Variants in WNT2B observed in about 807,000 individuals in gnomAD.
The protein encoded by WNT2B is protein Wnt-2b.
Under a neutral mutation model 40.5 loss-of-function variants are expected in WNT2B, and 19 were observed. That is an observed-to-expected ratio of 0.47 (90% CI 0.33 to 0.69). The LOEUF (loss-of-function observed/expected upper bound fraction) is 0.69, where lower values mean the gene tolerates loss of function less well. Among genes scored for constraint, WNT2B ranks in the 30% least tolerant of loss-of-function variants. WNT2B has a pLI of 0.02. For synonymous variants in WNT2B, 220 were observed against 211.9 expected (o/e 1.04, Z -0.33); for missense variants, 467 against 556.4 (o/e 0.84, Z 1.62).
At chr1:112,516,104 C>A in intron 2 of WNT2B, 36 bp from the exon 3 acceptor site, 1 of 1,583,948 alleles carries the variant, frequency 6.3e-7, no homozygotes, top group South Asian at 1.2e-5. Flanking sequence ...ACATGGGCCT[C>A]TTTCCTGAAG....
chr1:112,489,070 G>A (rs894395519), intron 1 of WNT2B, among the ~76,000 whole-genome samples: 1 of 152,132 alleles, frequency 6.6e-6, no homozygotes, highest in African/African-American at 2.4e-5. Context: ...GTATGAAGAT[G>A]TTTGCGGAGG....
chr1:112,474,613 C>T (rs1175771048), intron 1 of WNT2B, among the ~76,000 whole-genome samples: 1 of 152,130 alleles, frequency 6.6e-6, no homozygotes, highest in African/African-American at 2.4e-5. Flanking sequence ...GAATTCTAAA[C>T]CCAGTGAAAA....
At chr1:112,514,242 C>T (rs1011222305) in intron 1 of WNT2B, among the ~76,000 whole-genome samples, 3 of 152,152 alleles carry the variant, frequency 2.0e-5, no homozygotes, top group African/African-American at 7.2e-5. Context: ...GCCCTGGGGC[C>T]TGGAAATAAA....
chr1:112,469,619 T>G, intron 1 of WNT2B, among the ~76,000 whole-genome samples: 1 of 152,104 alleles, frequency 6.6e-6, no homozygotes, highest in Non-Finnish European at 1.5e-5. Flanking sequence ...TAAATCAGAT[T>G]TCTTTCCTTT....
intron 1 of WNT2B, among the ~76,000 whole-genome samples, chr1:112,473,955 C>T (rs1170484607): frequency 6.7e-6 from 1 of 148,890 alleles, no homozygotes; most frequent in African/African-American, 2.5e-5. Flanking sequence ...GTCCCAGCTA[C>T]TCGGGAAGCT....
chr1:112,493,090 T>C (rs1321580105), intron 1 of WNT2B, among the ~76,000 whole-genome samples: 1 of 152,138 alleles, frequency 6.6e-6, no homozygotes, highest in Non-Finnish European at 1.5e-5. Flanking sequence ...GGAATTATCA[T>C]ACTGGGAATT....
chr1:112,520,219 AG>A, intron 4 of WNT2B, 60 bp from the exon 5 acceptor site: 3 of 1,492,702 alleles, frequency 2.0e-6, no homozygotes, highest in Non-Finnish European at 2.8e-6. Context: ...AATGTGGTTA[AG>A]GGTATCCAGG....
At chr1:112,517,412 T>C (rs1403670483) in intron 4 of WNT2B, 27 bp downstream of exon 4, 5 of 1,583,522 alleles carry the variant, frequency 3.2e-6, no homozygotes, top group East Asian at 2.3e-5. Flanking sequence ...GGCAGGGACA[T>C]GCAGTCCCAG....
At chr1:112,488,806 G>A (rs1334576727) in intron 1 of WNT2B, among the ~76,000 whole-genome samples, 6 of 151,744 alleles carry the variant, frequency 4.0e-5, no homozygotes, top group Admixed American at 1.3e-4. Flanking sequence ...TGCCTGCCTC[G>A]GCCTCCCAAG....
At chr1:112,512,021 T>C (rs1375083296) in intron 1 of WNT2B, among the ~76,000 whole-genome samples, 1 of 152,094 alleles carries the variant, frequency 6.6e-6, no homozygotes, top group African/African-American at 2.4e-5. Flanking sequence ...GTGTTCAAAG[T>C]TCTATATGTG....
At chr1:112,493,633 G>T (rs1019882279) in intron 1 of WNT2B, among the ~76,000 whole-genome samples, 1 of 151,244 alleles carries the variant, frequency 6.6e-6, no homozygotes, top group Non-Finnish European at 1.5e-5. Flanking sequence ...AAAATAAAAC[G>T]AAACCAAAAC....
chr1:112,497,021 C>G (rs2101069906), intron 1 of WNT2B, among the ~76,000 whole-genome samples: 1 of 152,344 alleles, frequency 6.6e-6, no homozygotes, highest in East Asian at 1.9e-4. Flanking sequence ...TCTTCTTTGA[C>G]TCCATGTCCT....
chr1:112,475,520 T>C (rs548086865), intron 1 of WNT2B, among the ~76,000 whole-genome samples: 7 of 152,250 alleles, frequency 4.6e-5, no homozygotes, highest in East Asian at 3.9e-4. Context: ...TTTTCACATA[T>C]GTAGAAATAA....
intron 1 of WNT2B, among the ~76,000 whole-genome samples, chr1:112,500,288 G>A (rs1054941638): frequency 3.9e-5 from 6 of 151,980 alleles, no homozygotes; most frequent in Non-Finnish European, 4.4e-5. Context: ...CTATTAAGCC[G>A]GACATTAAAG....
At chr1:112,486,485 A>C (rs1651422320) in intron 1 of WNT2B, among the ~76,000 whole-genome samples, 1 of 152,182 alleles carries the variant, frequency 6.6e-6, no homozygotes, top group Non-Finnish European at 1.5e-5. Flanking sequence ...AGCACTACCC[A>C]TAAAGAACCA....
intron 1 of WNT2B, among the ~76,000 whole-genome samples, chr1:112,472,076 A>C (rs1260558030): frequency 3.3e-5 from 5 of 152,244 alleles, no homozygotes; most frequent in Admixed American, 3.3e-4. Flanking sequence ...AAAACTAAGC[A>C]TTAAGCCAAA....
chr1:112,518,149 T>G (rs564954179), intron 4 of WNT2B: 2 of 152,338 alleles, frequency 1.3e-5, no homozygotes, highest in African/African-American at 4.8e-5. Context: ...TTCAGTCTGT[T>G]CGAGGTATTT....
Position 112,520,672 on chromosome 1 carries a change from C to G in WNT2B, c.*163C>G. 1 of 738,956 alleles carries G rather than the reference C, an allele frequency of 1.4e-6. No homozygotes were observed. Among genetic ancestry groups the G allele is most frequent in the South Asian group, 1.9e-5 (1 of 53,258 alleles). The allele number at this position is 738,956 out of a possible 1,614,324, so 45.8% of individuals were successfully genotyped here. A position where few individuals can be genotyped will look rare whatever the true frequency, so the allele number is the denominator to read the frequency against. ...GGGACCATGGTGTCCTGGCTGGTTC[C>G]TTAGCCCTGGGAAGGAGTTGTCAGG... On this transcript the variant is annotated 3_prime_UTR_variant, in exon 5 of 5. Transcript: ENST00000369684.
At chr1:112,520,195 A>G in intron 4 of WNT2B, 85 bp from the exon 5 acceptor site, 1 of 1,367,096 alleles carries the variant, frequency 7.3e-7, no homozygotes, top group Non-Finnish European at 1.0e-6. Context: ...GATTCTTTTT[A>G]TCTTCCTTCT....
Sources: allele counts gnomAD v4.1 joint callset (sites outside exome capture counted in the v4.1 genomes callset), GRCh38; gene constraint gnomAD v4.1.1; transcripts MANE v1.5; gene names NCBI Gene and HGNC (gene_info 2026-07-23, HGNC 2026-07-21).